FER: variants seen among roughly 807,000 people sequenced by gnomAD.
The protein encoded by FER is tyrosine-protein kinase Fer.
Under a neutral mutation model 111.0 loss-of-function variants are expected in FER, and 63 were observed. The observed-to-expected ratio is 0.57, with a 90% CI of 0.46 to 0.70. The LOEUF is 0.70. Among genes scored for constraint, FER ranks in the 30% least tolerant of loss-of-function variants. The pLI is 0.00. For synonymous variants in FER, 327 were observed against 313.9 expected (o/e 1.04, Z -0.44); for missense variants, 914 against 954.0 (o/e 0.96, Z 0.55).
At chr5:109,050,098 A>G (rs1447144531) in intron 16 of FER, among the ~76,000 whole-genome samples, 1 of 152,242 alleles carries the variant, frequency 6.6e-6, no homozygotes, top group Admixed American at 6.5e-5. Flanking sequence ...ATTAATGACT[A>G]AAGCCTGTTT....
intron 2 of FER, chr5:108,785,079 ACAG>A (rs1754534899): frequency 2.4e-6 from 1 of 413,476 alleles, no homozygotes; most frequent in Non-Finnish European, 4.7e-6. Flanking sequence ...TTCTTGCCTA[ACAG>A]CAGCAACCCT....
At chr5:109,026,554 C>T (rs1429211018) in intron 13 of FER, among the ~76,000 whole-genome samples, 1 of 151,892 alleles carries the variant, frequency 6.6e-6, no homozygotes, top group Non-Finnish European at 1.5e-5. Flanking sequence ...TGTGCTGAGC[C>T]AGCTAGGGAG....
chr5:109,137,022 C>G (rs1752967199), intron 17 of FER, among the ~76,000 whole-genome samples: 1 of 152,150 alleles, frequency 6.6e-6, no homozygotes, highest in Non-Finnish European at 1.5e-5. Context: ...TCTGTATAAA[C>G]TAGTGCTGTG....
At chr5:109,067,864 A>G (rs1292066488) in intron 16 of FER, among the ~76,000 whole-genome samples, 1 of 152,212 alleles carries the variant, frequency 6.6e-6, no homozygotes, top group Non-Finnish European at 1.5e-5. Context: ...TAGAAAATAT[A>G]GTGGCTCCCG....
chr5:108,757,323 G>A (rs556209608), intron 1 of FER, among the ~76,000 whole-genome samples: 200 of 152,218 alleles, frequency 1.3e-3, no homozygotes, highest in African/African-American at 4.3e-3. Flanking sequence ...GCTTTGTTCT[G>A]TTTGAGATTG....
intron 10 of FER, among the ~76,000 whole-genome samples, chr5:108,915,760 G>A (rs978025368): frequency 1.3e-4 from 20 of 151,754 alleles, no homozygotes; most frequent in Non-Finnish European, 4.4e-5. Flanking sequence ...AACAGGTGAG[G>A]GAAGGAAGAA....
intron 5 of FER, among the ~76,000 whole-genome samples, chr5:108,855,953 T>G (rs1762967777): frequency 6.6e-6 from 1 of 151,982 alleles, no homozygotes; most frequent in African/African-American, 2.4e-5. Context: ...GATTTTTTTT[T>G]TTTTTCAAGA....
intron 13 of FER, among the ~76,000 whole-genome samples, chr5:109,036,661 T>A (rs146219019): frequency 3.9e-5 from 6 of 152,176 alleles, no homozygotes; most frequent in African/African-American, 1.4e-4. Context: ...TTTCTTTCCT[T>A]TTTATTCCTC....
chr5:109,052,598 T>C (rs564948628), intron 16 of FER: 48 of 583,772 alleles, frequency 8.2e-5, no homozygotes, highest in Non-Finnish European at 1.3e-4. Flanking sequence ...CGCTGCTGTT[T>C]GTTACTTTCC....
intron 1 of FER, among the ~76,000 whole-genome samples, chr5:108,758,965 C>T (rs1162542401): frequency 1.3e-5 from 2 of 152,084 alleles, no homozygotes; most frequent in Non-Finnish European, 2.9e-5. Flanking sequence ...ACTTTCGATG[C>T]ATTTACCACC....
chr5:109,034,602 G>A (rs1770104558), intron 13 of FER, among the ~76,000 whole-genome samples: 1 of 152,054 alleles, frequency 6.6e-6, no homozygotes, highest in Non-Finnish European at 1.5e-5. Flanking sequence ...GCTTTAGTCT[G>A]TCAATACTTC....
chr5:108,843,167 A>T (rs1761453083), intron 5 of FER, among the ~76,000 whole-genome samples: 1 of 152,196 alleles, frequency 6.6e-6, no homozygotes, highest in Non-Finnish European at 1.5e-5. Flanking sequence ...AACATAACTC[A>T]GGTTTTCCGT....
chr5:109,138,256 A>T (rs1301905247), intron 17 of FER, among the ~76,000 whole-genome samples: 1 of 152,178 alleles, frequency 6.6e-6, no homozygotes, highest in Non-Finnish European at 1.5e-5. Flanking sequence ...TCATATTATT[A>T]TCTTATTTTT....
intron 9 of FER, among the ~76,000 whole-genome samples, chr5:108,893,331 TTTTACA>T (rs1310213735): frequency 6.6e-6 from 1 of 152,166 alleles, no homozygotes; most frequent in East Asian, 1.9e-4. Context: ...TAGTTTGAGA[TTTTACA>T]TTTACATCTA....
intron 17 of FER, among the ~76,000 whole-genome samples, chr5:109,138,319 G>T (rs894116849): frequency 6.6e-6 from 1 of 152,146 alleles, no homozygotes; most frequent in Non-Finnish European, 1.5e-5. Flanking sequence ...GAGAAATTCA[G>T]GGGTAGGGGA....
At chr5:109,045,431 C>T (rs868515834) in intron 15 of FER, among the ~76,000 whole-genome samples, 90 of 151,744 alleles carry the variant, frequency 5.9e-4, no homozygotes, top group African/African-American at 2.1e-3. Flanking sequence ...CAGCAGTTTT[C>T]AAAGATGAGT....
At chr5:108,993,586 AGAGGGAGAGGGCGAGGGC>A (rs1561736752) in intron 13 of FER, among the ~76,000 whole-genome samples, 1 of 134,302 alleles carries the variant, frequency 7.4e-6, no homozygotes, top group East Asian at 2.1e-4. Flanking sequence ...AGGGAGAGGG[AGAGGGAGAGGGCGAGGGC>A]GAGGGAGAGG....
chr5:109,093,253 T>C (rs540300420), intron 16 of FER, among the ~76,000 whole-genome samples: 12 of 152,314 alleles, frequency 7.9e-5, no homozygotes, highest in African/African-American at 2.9e-4. Flanking sequence ...TTGTGTAAAT[T>C]TATGTGGTTT....
intron 13 of FER, among the ~76,000 whole-genome samples, chr5:109,034,251 A>G (rs894050866): frequency 1.4e-4 from 21 of 150,874 alleles, no homozygotes; most frequent in African/African-American, 4.6e-4. Context: ...CTATTGATCA[A>G]TTATCTAAGG....
Sources: gnomAD v4.1 joint callset for allele counts (sites outside exome capture counted in the v4.1 genomes callset) on GRCh38, gnomAD v4.1.1 for gene constraint, MANE v1.5 for transcripts, NCBI Gene and HGNC (gene_info 2026-07-23, HGNC 2026-07-21) for gene names.